SLC23A2: variants seen among roughly 807,000 people sequenced by gnomAD.
SLC23A2 encodes the protein Na(+)/L-ascorbic acid transporter 2.
SLC23A2 carries 36 observed loss-of-function variants against 73.3 expected under a neutral mutation model. The observed-to-expected ratio is 0.49, with a 90% CI of 0.38 to 0.65. SLC23A2 has a LOEUF of 0.65. Among genes scored for constraint, SLC23A2 ranks in the 30% least tolerant of loss-of-function variants. The pLI, the probability that SLC23A2 is intolerant of heterozygous loss-of-function variation, is 0.00. For synonymous variants in SLC23A2, 343 were observed against 327.3 expected (o/e 1.05, Z -0.52); for missense variants, 507 against 841.6 (o/e 0.60, Z 4.92).
rs745546452 is a variant in SLC23A2, at chr20:4,857,102, T to C, written c.1823A>G (p.Asn608Ser). The change falls in exon 17 of 17, where the codon AAC (asparagine) becomes AGC (serine). Residue 608 changes from asparagine to serine, a missense_variant. Physicochemically the swap from Asn to Ser is conservative, Grantham distance 46. Transcript: ENST00000338244. This position sits in a 1 kb window ranked among gnomAD's most constrained non-coding sequence, Gnocchi z 4.0. ...MESYNLPFGM[N>S]IIKKYRCFSY... ...GAAGCATCTGTATTTTTTTATAATG[T>C]TCATGCCAAATGGCAAATTGTACGA... The C allele has an allele frequency of 6.2e-7, 1 of 1,614,040 alleles. No homozygotes were observed. Among genetic ancestry groups the C allele is most frequent in the Non-Finnish European group, 8.5e-7 (1 of 1,179,890 alleles).
chr20:4,981,539 T>G (rs1193912624), intron 1 of SLC23A2, among the ~76,000 whole-genome samples: 1 of 152,178 alleles, frequency 6.6e-6, no homozygotes, highest in African/African-American at 2.4e-5. Context: ...TTTTTAAAGT[T>G]TCCCAGGTGA....
intron 4 of SLC23A2, among the ~76,000 whole-genome samples, chr20:4,905,398 G>A (rs796395389): frequency 3.9e-5 from 6 of 152,328 alleles, no homozygotes; most frequent in African/African-American, 1.4e-4. Context: ...TCTACGCACT[G>A]TGGCGCCACA....
intron 1 of SLC23A2, among the ~76,000 whole-genome samples, chr20:4,981,254 C>T (rs1162088017): frequency 1.3e-5 from 2 of 152,202 alleles, no homozygotes; most frequent in African/African-American, 4.8e-5. Context: ...AACTGCATCA[C>T]AGGTCATATT....
At chr20:4,932,817 T>C in intron 2 of SLC23A2, 101 bp from the exon 3 acceptor site, 1 of 364,532 alleles carries the variant, frequency 2.7e-6, no homozygotes, top group South Asian at 5.5e-5. Context: ...ACACTACACA[T>C]TATACCCAAG....
At position 4,856,714 on chromosome 20, in the gene SLC23A2, G is replaced by A; in HGVS notation, c.*258C>T. 1 of 435,086 alleles carries A rather than the reference G, an allele frequency of 2.3e-6. No individual in the cohort carries two copies. The highest frequency in any genetic ancestry group is 4.1e-6 in the Non-Finnish European group (1 of 242,656). The allele number at this position is 435,086 out of a possible 1,614,324, so 27.0% of individuals were successfully genotyped here. A position where few individuals can be genotyped will look rare whatever the true frequency, so the allele number is the denominator to read the frequency against. Reference sequence around the variant, plus strand: ...AATGTCCACTCCAAAGGGAGGACTGGAACTTCAAATTTAGTGACCATGGCC... The same window carrying A: ...AATGTCCACTCCAAAGGGAGGACTGAAACTTCAAATTTAGTGACCATGGCC... On this transcript the variant is annotated 3_prime_UTR_variant, in exon 17 of 17. Coordinates refer to ENST00000338244, the MANE Select transcript of SLC23A2 (RefSeq NM_005116.6). This position sits in a 1 kb window ranked among gnomAD's most constrained non-coding sequence, Gnocchi z 4.6.
At chr20:4,945,506 A>G (rs975551208) in intron 2 of SLC23A2, among the ~76,000 whole-genome samples, 6 of 151,616 alleles carry the variant, frequency 4.0e-5, no homozygotes, top group African/African-American at 1.5e-4. Flanking sequence ...CTGGTCTCGA[A>G]CTCCTGAGCT....
At chr20:4,984,831 CT>C (rs570919284) in intron 1 of SLC23A2, among the ~76,000 whole-genome samples, 95 of 152,104 alleles carry the variant, frequency 6.2e-4, no homozygotes, top group African/African-American at 2.2e-3. Context: ...GGTTTGGCAG[CT>C]CCTCAAAATG....
At chr20:4,911,683 A>G (rs1932154744) in intron 4 of SLC23A2, among the ~76,000 whole-genome samples, 1 of 152,218 alleles carries the variant, frequency 6.6e-6, no homozygotes, top group African/African-American at 2.4e-5. Context: ...CTGTGTTTAA[A>G]ATCTATCAAG....
Position 4,912,127 on chromosome 20 carries a change from G to C in SLC23A2, c.207+753C>G, listed in dbSNP as rs11905445. On this transcript the variant is annotated intron_variant, in intron 4 of 16. Transcript: ENST00000338244. Reference sequence around the variant, plus strand: ...CCCAAAGTATTGGGATTATAGGTGTGAGCCACTGAGCCCAGATTGGAGCCG... The same window carrying C: ...CCCAAAGTATTGGGATTATAGGTGTCAGCCACTGAGCCCAGATTGGAGCCG... Among the ~76,000 whole-genome samples the C allele has an allele frequency of 2.8e-3, 431 of 151,400 alleles. 2 individuals are homozygous for C. Among genetic ancestry groups the C allele is most frequent in the African/African-American group, 9.9e-3 (409 of 41,192 alleles).
chr20:4,924,600 C>G (rs1932609349), intron 3 of SLC23A2, among the ~76,000 whole-genome samples: 2 of 152,334 alleles, frequency 1.3e-5, no homozygotes, highest in African/African-American at 4.8e-5. Flanking sequence ...AGGCCAACAC[C>G]CTGGTGAGGC....
chr20:4,871,402 G>A (rs1235036764), intron 11 of SLC23A2, among the ~76,000 whole-genome samples: 2 of 152,258 alleles, frequency 1.3e-5, no homozygotes, highest in Admixed American at 6.5e-5. Flanking sequence ...CCCCTCCAGG[G>A]ATCGGGAGGG....
chr20:4,995,475 C>T (rs2088003903), intron 1 of SLC23A2, among the ~76,000 whole-genome samples: 1 of 152,116 alleles, frequency 6.6e-6, no homozygotes, highest in Non-Finnish European at 1.5e-5. Flanking sequence ...ATCAAAGGAC[C>T]TCTCCACCTG....
Position 4,896,571 on chromosome 20 carries a change from C to A in SLC23A2, c.482+2984G>T, listed in dbSNP as rs182263262. Among the ~76,000 whole-genome samples the A allele has an allele frequency of 3.3e-5, 5 of 152,296 alleles. No individual in the cohort carries two copies. The South Asian group carries it at 8.3e-4, about 25-fold the overall frequency. On this transcript the variant is annotated intron_variant, in intron 6 of 16. Coordinates refer to ENST00000338244, the MANE Select transcript of SLC23A2 (RefSeq NM_005116.6). ...ATGAAGCACATTCCATTCCGTGCTG[C>A]TTCTCTTTCCAGCTAAGGATTCAAA...
intron 1 of SLC23A2, among the ~76,000 whole-genome samples, chr20:4,985,598 C>T (rs772483639): frequency 1.3e-5 from 2 of 152,098 alleles, no homozygotes; most frequent in Non-Finnish European, 2.9e-5. Flanking sequence ...CAGGTGCGCG[C>T]CACCATGCCC....
chr20:4,875,327 G>T (rs1930612345), intron 9 of SLC23A2, among the ~76,000 whole-genome samples: 1 of 152,158 alleles, frequency 6.6e-6, no homozygotes. Flanking sequence ...TTCCTGGGAG[G>T]CTTCTGTGTG....
chr20:4,991,547 C>T (rs1203303500), intron 1 of SLC23A2, among the ~76,000 whole-genome samples: 1 of 152,010 alleles, frequency 6.6e-6, no homozygotes, highest in Non-Finnish European at 1.5e-5. Context: ...TACGGTGAAA[C>T]CCCATCTCTA....
At chr20:4,985,726 G>T (rs1309575517) in intron 1 of SLC23A2, among the ~76,000 whole-genome samples, 1 of 152,174 alleles carries the variant, frequency 6.6e-6, no homozygotes, top group Non-Finnish European at 1.5e-5. Flanking sequence ...GGGATTACAG[G>T]CATGAGCCAC....
intron 4 of SLC23A2, among the ~76,000 whole-genome samples, chr20:4,907,410 C>T (rs925286821): frequency 1.3e-5 from 2 of 151,744 alleles, no homozygotes; most frequent in Non-Finnish European, 2.9e-5. Context: ...TATCCTGGAA[C>T]AGTGAAGAAA....
intron 2 of SLC23A2, among the ~76,000 whole-genome samples, chr20:4,954,847 A>C (rs1363336004): frequency 6.6e-6 from 1 of 152,208 alleles, no homozygotes; most frequent in Non-Finnish European, 1.5e-5. Context: ...AAAGGCAATG[A>C]GATACATAAC....
Sources: allele counts gnomAD v4.1 joint callset (sites outside exome capture counted in the v4.1 genomes callset), GRCh38; gene constraint gnomAD v4.1.1; non-coding constraint Gnocchi (gnomAD v3.1); transcripts MANE v1.5; gene names NCBI Gene and HGNC (gene_info 2026-07-23, HGNC 2026-07-21).